Variants in EYA4 observed in about 807,000 individuals in gnomAD.
The protein encoded by EYA4 is EYA transcriptional coactivator and phosphatase 4, also known as protein phosphatase EYA4.
EYA4 carries 31 observed loss-of-function variants against 87.9 expected under a neutral mutation model. The ratio of observed to expected loss-of-function variants is 0.35; its 90% CI spans 0.27 to 0.48. The LOEUF (loss-of-function observed/expected upper bound fraction) is 0.48. Ranked by LOEUF, EYA4 falls within the 20% of genes least tolerant of loss-of-function variation. The pLI is 0.99. For missense variants in EYA4, 678 were observed against 761.4 expected (o/e 0.89, Z 1.29); for synonymous variants, 263 against 270.6 (o/e 0.97, Z 0.28).
At chr6:133,260,933 G>A (rs1420117114) in intron 1 of EYA4, among the ~76,000 whole-genome samples, 7 of 152,082 alleles carry the variant, frequency 4.6e-5, no homozygotes, top group African/African-American at 1.7e-4. Flanking sequence ...AGAAGATAAT[G>A]ACAACAAAAC....
intron 2 of EYA4, among the ~76,000 whole-genome samples, chr6:133,289,990 C>T (rs1034331657): frequency 6.6e-6 from 1 of 152,164 alleles, no homozygotes; most frequent in Non-Finnish European, 1.5e-5. Flanking sequence ...ATTATTTTGC[C>T]TAAACTGTTG....
At chr6:133,286,339 T>A (rs1466062147) in intron 2 of EYA4, among the ~76,000 whole-genome samples, 1 of 152,098 alleles carries the variant, frequency 6.6e-6, no homozygotes, top group Non-Finnish European at 1.5e-5. Context: ...GGGAAATGAG[T>A]TGAACTTGAA....
At chr6:133,314,174 T>C (rs1335472779) in intron 2 of EYA4, among the ~76,000 whole-genome samples, 2 of 152,160 alleles carry the variant, frequency 1.3e-5, no homozygotes, top group Admixed American at 6.5e-5. Context: ...TTATGACTTC[T>C]GATACAGATT....
At chr6:133,408,673 A>G (rs2128533002) in intron 3 of EYA4, among the ~76,000 whole-genome samples, 1 of 152,232 alleles carries the variant, frequency 6.6e-6, no homozygotes, top group African/African-American at 2.4e-5. Flanking sequence ...AACAATATCT[A>G]CCTCATATGT....
chr6:133,500,424 C>A (rs1377587034), intron 13 of EYA4, among the ~76,000 whole-genome samples: 1 of 152,022 alleles, frequency 6.6e-6, no homozygotes, highest in African/African-American at 2.4e-5. Flanking sequence ...ATCAGAAAAC[C>A]CCACTGACTG....
intron 2 of EYA4, among the ~76,000 whole-genome samples, chr6:133,371,036 TTC>T (rs1583086997): frequency 6.6e-6 from 1 of 152,046 alleles, no homozygotes; most frequent in Admixed American, 6.5e-5. Context: ...CTTTGTGTCT[TTC>T]TCAAGAAGAA....
At chr6:133,268,457 A>C (rs148964135) in intron 1 of EYA4, among the ~76,000 whole-genome samples, 1 of 152,304 alleles carries the variant, frequency 6.6e-6, no homozygotes, top group African/African-American at 2.4e-5. Flanking sequence ...GAAAGAGAGC[A>C]CTTGGCTAAT....
At chr6:133,272,387 T>C (rs1437837696) in intron 1 of EYA4, among the ~76,000 whole-genome samples, 1 of 152,228 alleles carries the variant, frequency 6.6e-6, no homozygotes, top group African/African-American at 2.4e-5. Context: ...CTTCAGGACC[T>C]GCTCAAACCT....
intron 2 of EYA4, among the ~76,000 whole-genome samples, chr6:133,351,031 G>C (rs1195171811): frequency 6.6e-6 from 1 of 151,156 alleles, no homozygotes; most frequent in African/African-American, 2.5e-5. Context: ...TTTAGGAGAT[G>C]CTGGATATTT....
At chr6:133,451,119 T>C (rs576445585) in intron 5 of EYA4, among the ~76,000 whole-genome samples, 75 of 152,342 alleles carry the variant, frequency 4.9e-4, no homozygotes, top group African/African-American at 1.6e-3. Context: ...TTAGCTCTGC[T>C]ATTGTTGCAC....
intron 1 of EYA4, chr6:133,247,672 A>G (rs909659488): frequency 6.6e-6 from 1 of 152,072 alleles, no homozygotes; most frequent in African/African-American, 2.4e-5. Flanking sequence ...TTTTTTATTT[A>G]CTTATATACT....
At chr6:133,413,403 A>G (rs899448528) in intron 3 of EYA4, among the ~76,000 whole-genome samples, 6 of 151,636 alleles carry the variant, frequency 4.0e-5, no homozygotes, top group Non-Finnish European at 8.8e-5. Flanking sequence ...GAGGTTACCA[A>G]AAACTTTTGT....
intron 2 of EYA4, among the ~76,000 whole-genome samples, chr6:133,304,363 T>C (rs1437067012): frequency 6.6e-6 from 1 of 152,162 alleles, no homozygotes; most frequent in Non-Finnish European, 1.5e-5. Flanking sequence ...CCCCACTCTG[T>C]TTCAGGAAGA....
chr6:133,397,834 C>A (rs1787932303), intron 3 of EYA4, among the ~76,000 whole-genome samples: 2 of 152,160 alleles, frequency 1.3e-5, no homozygotes, highest in African/African-American at 4.8e-5. Flanking sequence ...CTTTTTAAAA[C>A]CATCAGATCT....
rs1800868216 is a variant in EYA4, at chr6:133,529,347, G to T, written c.*542G>T. On this transcript the variant is annotated 3_prime_UTR_variant, in exon 20 of 20. Coordinates refer to ENST00000355286, the MANE Select transcript of EYA4 (RefSeq NM_004100.5). ...TTATTAGCAGCTGACTTTCAAAGTG[G>T]ATGCAATTTTTCTTTCTTTTGTTGG... 3 of 993,692 alleles carry T rather than the reference G, an allele frequency of 3.0e-6. No homozygotes were observed. The East Asian group carries it at 3.2e-4, about 106-fold the overall frequency. The allele number at this position is 993,692 out of a possible 1,614,324, so 61.6% of individuals were successfully genotyped here. A position where few individuals can be genotyped will look rare whatever the true frequency, so the allele number is the denominator to read the frequency against.
At chr6:133,427,062 G>T (rs1199098973) in intron 3 of EYA4, among the ~76,000 whole-genome samples, 1 of 152,192 alleles carries the variant, frequency 6.6e-6, no homozygotes, top group Non-Finnish European at 1.5e-5. Flanking sequence ...AAAGCCAAGG[G>T]CTGAGACACA....
In EYA4 at chr6:133,529,838, T is replaced by C; in HGVS notation, c.*1033T>C. On this transcript the variant is annotated 3_prime_UTR_variant, in exon 20 of 20. Coordinates refer to ENST00000355286, the MANE Select transcript of EYA4 (RefSeq NM_004100.5). Reference sequence around the variant, plus strand: ...TTTTACTGGAGAAAACTAAGAGCCATATTCATGACAACTTGCACAGTTTTG... The same window carrying C: ...TTTTACTGGAGAAAACTAAGAGCCACATTCATGACAACTTGCACAGTTTTG... 2 of 985,442 alleles carry C rather than the reference T, an allele frequency of 2.0e-6. No homozygotes were observed. Among genetic ancestry groups the C allele is most frequent in the Non-Finnish European group, 2.4e-6 (2 of 829,928 alleles). 61.0% of individuals were successfully genotyped at this position (985,442 alleles called of 1,614,324 possible).
chr6:133,496,296 G>T (rs1297644269), intron 13 of EYA4, among the ~76,000 whole-genome samples: 2 of 152,156 alleles, frequency 1.3e-5, no homozygotes, highest in African/African-American at 2.4e-5. Flanking sequence ...TCTTAGATCA[G>T]TCTTATTTCC....
At chr6:133,276,694 C>T (rs372140580) in intron 2 of EYA4, among the ~76,000 whole-genome samples, 4 of 152,206 alleles carry the variant, frequency 2.6e-5, no homozygotes, top group Admixed American at 1.3e-4. Context: ...ATTTAAATTT[C>T]AAACATGTAG....
Sources: gnomAD v4.1 joint callset for allele counts (sites outside exome capture counted in the v4.1 genomes callset) on GRCh38, gnomAD v4.1.1 for gene constraint, MANE v1.5 for transcripts, NCBI Gene and HGNC (gene_info 2026-07-23, HGNC 2026-07-21) for gene names.